The following ATP6V1B2 variants were observed in gnomAD, a reference collection of about 807,000 sequenced individuals.
ATP6V1B2 encodes V-type proton ATPase subunit B, brain isoform.
ATP6V1B2 carries 23 observed loss-of-function variants against 66.7 expected under a neutral mutation model. The observed-to-expected ratio is 0.34, with a 90% CI of 0.25 to 0.49. ATP6V1B2 has a LOEUF of 0.49. Among genes scored for constraint, ATP6V1B2 ranks in the 20% least tolerant of loss-of-function variants. The pLI is 0.99. For synonymous variants in ATP6V1B2, 278 were observed against 236.7 expected, an observed-to-expected ratio of 1.17 and a Z score of -1.60; for missense variants, 478 against 650.8, an observed-to-expected ratio of 0.73 and a Z score of 2.89.
chr8:20,218,015 G>A (rs1410314679), intron 12 of ATP6V1B2, 138 bp from the exon 13 acceptor site: 1 of 1,182,632 alleles, frequency 8.5e-7, no homozygotes, highest in Non-Finnish European at 1.2e-6. Flanking sequence ...ACTTTCATAT[G>A]AATTTTATGT....
intron 1 of ATP6V1B2, among the ~76,000 whole-genome samples, chr8:20,204,275 A>G (rs190064543): frequency 6.6e-6 from 1 of 152,328 alleles, no homozygotes; most frequent in East Asian, 1.9e-4. Context: ...TAAGGATTCA[A>G]AATATTTTTG....
intron 13 of ATP6V1B2, 72 bp downstream of exon 13, chr8:20,218,354 G>A: frequency 6.4e-7 from 1 of 1,560,972 alleles, no homozygotes; most frequent in Non-Finnish European, 8.7e-7. Context: ...CCAAGCCTAA[G>A]AAAATTCTCA....
At position 20,202,808 on chromosome 8, in the gene ATP6V1B2, A is replaced by G. The variant is rs1032011370; in HGVS notation, c.137-1676A>G. ...TGCATTTTATTCAAAACAGTTAATCATAAATCTCAATACCATATCCCCTCC... is the reference window on the plus strand; with the variant it reads ...TGCATTTTATTCAAAACAGTTAATCGTAAATCTCAATACCATATCCCCTCC... On this transcript the variant is annotated intron_variant, in intron 1 of 13. Coordinates refer to ENST00000276390, the MANE Select transcript of ATP6V1B2 (RefSeq NM_001693.4). Among the ~76,000 whole-genome samples, 9 of 152,220 alleles carry G rather than the reference A, an allele frequency of 5.9e-5. No individual in the cohort carries two copies. The South Asian group carries it at 1.9e-3, about 31-fold the overall frequency.
intron 3 of ATP6V1B2, among the ~76,000 whole-genome samples, chr8:20,210,017 A>G (rs2072777164): frequency 6.6e-6 from 1 of 150,630 alleles, no homozygotes; most frequent in Non-Finnish European, 1.5e-5. Context: ...TCTCCTACAT[A>G]TTCTTCTTTT....
chr8:20,205,481 A>G (rs2072729585), intron 2 of ATP6V1B2, among the ~76,000 whole-genome samples: 1 of 152,158 alleles, frequency 6.6e-6, no homozygotes, highest in Admixed American at 6.5e-5. Flanking sequence ...ACTGGGAAGG[A>G]CTTAGAAACC....
chr8:20,204,582 T>G (rs907023557), intron 2 of ATP6V1B2, 43 bp downstream of exon 2: 5 of 1,544,452 alleles, frequency 3.2e-6, no homozygotes, highest in Non-Finnish European at 4.4e-6. Flanking sequence ...TAGTTAAAAA[T>G]GTGGCATTAA....
intron 13 of ATP6V1B2, among the ~76,000 whole-genome samples, 199 bp from the exon 14 acceptor site, chr8:20,220,064 T>G (rs2072893024): frequency 6.6e-6 from 1 of 152,170 alleles, no homozygotes; most frequent in Non-Finnish European, 1.5e-5. Context: ...CAGCCGCCTC[T>G]TCCCTCTTCT....
intron 1 of ATP6V1B2, among the ~76,000 whole-genome samples, chr8:20,203,399 C>G (rs1313135103): frequency 6.6e-6 from 1 of 152,180 alleles, no homozygotes; most frequent in East Asian, 1.9e-4. Flanking sequence ...ATTTTAAATT[C>G]CAAAGCCACT....
At chr8:20,220,164 T>G in intron 13 of ATP6V1B2, 99 bp from the exon 14 acceptor site, 1 of 1,351,650 alleles carries the variant, frequency 7.4e-7, no homozygotes, top group Non-Finnish European at 9.9e-7. Flanking sequence ...TTTTTCAATA[T>G]CTATTTAATA....
chr8:20,218,182 G>A lies in ATP6V1B2; in HGVS notation c.1296G>A (p.Val432=), dbSNP rs1389017724. ...CGTGCTATGCTATTGGAAAGGATGT[G>A]CAAGCCATGAAAGCTGTCGTTGGAG... The part of the protein sequence containing the change: ...LYACYAIGKD[V]QAMKAVVGEE... The change falls in exon 13 of 14, where the codon GTG becomes GTA. Residue 432 remains valine, a synonymous_variant. Coordinates refer to ENST00000276390, the MANE Select transcript of ATP6V1B2 (RefSeq NM_001693.4). 7 of 1,613,126 alleles carry A rather than the reference G, an allele frequency of 4.3e-6. No homozygotes were observed. Among genetic ancestry groups the A allele is most frequent in the Non-Finnish European group, 5.9e-6 (7 of 1,179,430 alleles).
At chr8:20,210,750 A>G (rs11990886) in intron 5 of ATP6V1B2, 104 bp downstream of exon 5, 1 of 814,862 alleles carries the variant, frequency 1.2e-6, no homozygotes, top group East Asian at 2.6e-5. Flanking sequence ...CTTAAAGTAG[A>G]TAGGCAACAC....
At chr8:20,215,580 G>T (rs771189822) in intron 10 of ATP6V1B2, 2 of 152,182 alleles carry the variant, frequency 1.3e-5, no homozygotes, top group Non-Finnish European at 2.9e-5. Flanking sequence ...TGTTCTGAGT[G>T]CTTTATAAAT....
intron 3 of ATP6V1B2, among the ~76,000 whole-genome samples, chr8:20,209,902 C>G (rs915779343): frequency 1.3e-5 from 2 of 151,888 alleles, no homozygotes; most frequent in South Asian, 4.1e-4. Context: ...TGGCAATTTT[C>G]TAAAATAACA....
At position 20,214,877 on chromosome 8, in the gene ATP6V1B2, A is replaced by T. The variant is rs1585253140; in HGVS notation, c.987A>T (p.Thr329=). 4 of 1,613,652 alleles carry T rather than the reference A, an allele frequency of 2.5e-6. No homozygotes were observed. Among genetic ancestry groups the T allele is most frequent in the Non-Finnish European group, 3.4e-6 (4 of 1,179,706 alleles). Residue 329 remains threonine (T), a synonymous_variant, in exon 10 of 14, where the codon ACA becomes ACT. Transcript: ENST00000276390. ...GRRGFPGYMY[T]DLATIYERAG... ...GAGGTTTTCCAGGTTACATGTATACAGATTTAGCCACGATATATGAACGCG... is the reference window on the plus strand; with the variant it reads ...GAGGTTTTCCAGGTTACATGTATACTGATTTAGCCACGATATATGAACGCG...
chr8:20,214,613 T>C (rs2072831536), intron 9 of ATP6V1B2: 1 of 448,668 alleles, frequency 2.2e-6, no homozygotes. Context: ...AAAAACCTTC[T>C]GGTGCCCCAT....
At chr8:20,217,357 AAT>A (rs1401181587) in intron 12 of ATP6V1B2, 33 bp downstream of exon 12, 1 of 1,548,088 alleles carries the variant, frequency 6.5e-7, no homozygotes, top group Admixed American at 1.7e-5. Flanking sequence ...GGTGTTTGAA[AAT>A]ATGGATACGT....
In ATP6V1B2 at chr8:20,208,702, T is replaced by C. The variant is rs575403384; in HGVS notation, c.193-731T>C. Among the ~76,000 whole-genome samples, 78 of 142,326 alleles carry C rather than the reference T, an allele frequency of 5.5e-4. 1 individual carries two copies. Among genetic ancestry groups the C allele is most frequent in the South Asian group, 9.3e-4 (4 of 4,320 alleles). 93.4% of individuals were successfully genotyped at this position (142,326 alleles called of 152,430 possible). On this transcript the variant is annotated intron_variant, in intron 2 of 13. Coordinates refer to ENST00000276390, the MANE Select transcript of ATP6V1B2 (RefSeq NM_001693.4). ...TATTATAATAGTAATTATTATTTAG[T>C]AACTTTCTTTTTTTTTTTTTTTTGA...
chr8:20,209,669 CTAT>C (rs2072773707), intron 3 of ATP6V1B2, 138 bp downstream of exon 3: 1 of 789,200 alleles, frequency 1.3e-6, no homozygotes, highest in Admixed American at 2.7e-5. Flanking sequence ...GGGAAAGAAA[CTAT>C]TATTGCATGT....
Position 20,220,450 on chromosome 8 carries a change from T to A in ATP6V1B2, c.*48T>A, listed in dbSNP as rs752621698. On this transcript the variant is annotated 3_prime_UTR_variant, in exon 14 of 14. Coordinates refer to ENST00000276390, the MANE Select transcript of ATP6V1B2 (RefSeq NM_001693.4). The stretch of plus-strand genomic sequence containing the variant: ...CGCTCTTGTGAAATACTGGTTCTGT[T>A]TTCTTTATTCCTTTTGCACTCTCGG... The A allele has an allele frequency of 1.3e-6, 2 of 1,499,890 alleles. No homozygotes were observed. Among genetic ancestry groups the A allele is most frequent in the South Asian group, 1.4e-5 (1 of 71,190 alleles). 92.9% of individuals were successfully genotyped at this position (1,499,890 alleles called of 1,614,324 possible).
Sources: allele counts gnomAD v4.1 joint callset (sites outside exome capture counted in the v4.1 genomes callset), GRCh38; gene constraint gnomAD v4.1.1; transcripts MANE v1.5; gene names NCBI Gene and HGNC (gene_info 2026-07-23, HGNC 2026-07-21).